Variants in RBFOX1 observed in about 807,000 individuals in gnomAD.
RBFOX1 encodes RNA binding protein fox-1 homolog 1.
In RBFOX1, 8 loss-of-function variants were observed where a neutral mutation model predicts 57.7. The ratio of observed to expected loss-of-function variants is 0.14; its 90% CI spans 0.08 to 0.25. The LOEUF is 0.25. Ranked by LOEUF, RBFOX1 falls within the 10% of genes least tolerant of loss-of-function variation. The pLI, the probability that RBFOX1 is intolerant of heterozygous loss-of-function variation, is 1.00. For synonymous variants in RBFOX1, 326 were observed against 222.4 expected (o/e 1.47, Z -4.15); for missense variants, 611 against 548.5 (o/e 1.11, Z -1.14).
At chr16:7,330,670 C>A in intron 4 of RBFOX1, among the ~76,000 whole-genome samples, 1 of 152,000 alleles carries the variant, frequency 6.6e-6, no homozygotes, top group East Asian at 1.9e-4. Flanking sequence ...CTCTTCTATG[C>A]TCAGGAAACT....
At chr16:5,306,323 C>CTTTT (rs34944593) in intron 1 of RBFOX1, among the ~76,000 whole-genome samples, 1 of 147,396 alleles carries the variant, frequency 6.8e-6, no homozygotes, top group African/African-American at 2.5e-5. Context: ...TTCTAGAATT[C>CTTTT]TTTTTTTTTT....
chr16:6,266,862 G>C (rs963132095), intron 1 of RBFOX1, among the ~76,000 whole-genome samples: 1 of 152,146 alleles, frequency 6.6e-6, no homozygotes, highest in African/African-American at 2.4e-5. Context: ...TCTGTCTTCT[G>C]TATGACATTC....
At chr16:7,274,030 T>C (rs2153136420) in intron 4 of RBFOX1, among the ~76,000 whole-genome samples, 1 of 152,318 alleles carries the variant, frequency 6.6e-6, no homozygotes, top group East Asian at 1.9e-4. Flanking sequence ...AATACAACAC[T>C]TAGATATTTG....
chr16:6,784,391 C>T (rs1054859890), intron 3 of RBFOX1, among the ~76,000 whole-genome samples: 1 of 152,070 alleles, frequency 6.6e-6, no homozygotes, highest in Non-Finnish European at 1.5e-5. Flanking sequence ...ACCAATTTTG[C>T]TGTTGAGACA....
chr16:5,773,584 G>C (rs1407302941), intron 3 of RBFOX1, among the ~76,000 whole-genome samples: 1 of 152,152 alleles, frequency 6.6e-6, no homozygotes, highest in East Asian at 1.9e-4. Flanking sequence ...TTCCCATTCT[G>C]AACAGTGTAA....
intron 1 of RBFOX1, among the ~76,000 whole-genome samples, chr16:6,130,740 G>A (rs1279604697): frequency 6.6e-6 from 1 of 152,144 alleles, no homozygotes; most frequent in Non-Finnish European, 1.5e-5. Context: ...TACTGTCAAA[G>A]TTGACTTCAG....
chr16:6,683,425 G>A (rs2058964562), intron 3 of RBFOX1, among the ~76,000 whole-genome samples: 1 of 152,198 alleles, frequency 6.6e-6, no homozygotes, highest in East Asian at 1.9e-4. Context: ...TAATGTATTT[G>A]GGGAGGATAT....
At chr16:7,594,306 T>G (rs574190933) in intron 7 of RBFOX1, among the ~76,000 whole-genome samples, 1 of 152,326 alleles carries the variant, frequency 6.6e-6, no homozygotes, top group South Asian at 2.1e-4. Context: ...AACTAAGTAT[T>G]ATACTGTCCC....
At chr16:5,991,787 G>C (rs2060404753) in intron 4 of RBFOX1, among the ~76,000 whole-genome samples, 1 of 151,964 alleles carries the variant, frequency 6.6e-6, no homozygotes, top group African/African-American at 2.4e-5. Context: ...TGTTGCCTGG[G>C]ATTGATAAGA....
At chr16:5,510,637 G>C (rs1453310568) in intron 2 of RBFOX1, among the ~76,000 whole-genome samples, 1 of 152,188 alleles carries the variant, frequency 6.6e-6, no homozygotes, top group Non-Finnish European at 1.5e-5. Flanking sequence ...CAATCTGCAA[G>C]GTAGGTTAAT....
intron 3 of RBFOX1, among the ~76,000 whole-genome samples, chr16:6,852,896 C>T (rs979366979): frequency 6.6e-6 from 1 of 151,262 alleles, no homozygotes; most frequent in Admixed American, 6.6e-5. Flanking sequence ...TAGCTGTCCA[C>T]ACAAGGTGCA....
chr16:5,610,309 C>G (rs1487735725), intron 3 of RBFOX1: 1 of 152,204 alleles, frequency 6.6e-6, no homozygotes, highest in Non-Finnish European at 1.5e-5. Flanking sequence ...GTACTAGGCC[C>G]ATGTTTTATT....
rs574225476 is a variant in RBFOX1 at position 5,455,823 on chromosome 16, C to T, written c.220-11393C>T. Among the ~76,000 whole-genome samples the T allele has an allele frequency of 1.7e-4, 26 of 152,082 alleles. 1 individual carries two copies. The East Asian group carries it at 2.9e-3, about 17-fold the overall frequency. ...GTGCTTGGCTAGAGAACCCTGGTTT[C>T]GAGAAATAAATTCTTGAAATAAAGG... On this transcript the variant is annotated intron_variant, in intron 1 of 2. Coordinates refer to the RBFOX1 transcript ENST00000585867.
intron 1 of RBFOX1, among the ~76,000 whole-genome samples, chr16:6,213,702 C>CT (rs1243312707): frequency 6.6e-6 from 1 of 152,160 alleles, no homozygotes; most frequent in Non-Finnish European, 1.5e-5. Context: ...TCATTCTGTG[C>CT]TTAAGAGCAA....
At chr16:6,149,032 C>A (rs1289888123) in intron 1 of RBFOX1, among the ~76,000 whole-genome samples, 6 of 152,218 alleles carry the variant, frequency 3.9e-5, no homozygotes, top group Admixed American at 3.9e-4. Context: ...AAATGTAGAT[C>A]ATTGAAATGG....
At chr16:7,691,461 G>T (rs562019021) in intron 14 of RBFOX1, among the ~76,000 whole-genome samples, 23 of 151,964 alleles carry the variant, frequency 1.5e-4, no homozygotes, top group African/African-American at 5.3e-4. Context: ...GAAAAGGAAG[G>T]AAAGGGTAGG....
intron 1 of RBFOX1, among the ~76,000 whole-genome samples, chr16:5,458,423 G>A (rs1390751564): frequency 6.6e-6 from 1 of 152,194 alleles, no homozygotes; most frequent in East Asian, 1.9e-4. Flanking sequence ...TTTGAGGAAT[G>A]AGAAGAAATG....
chr16:6,362,853 C>T (rs550641720), intron 2 of RBFOX1, among the ~76,000 whole-genome samples: 2 of 152,280 alleles, frequency 1.3e-5, no homozygotes, highest in East Asian at 1.9e-4. Flanking sequence ...GAAGGAAGGT[C>T]GAGGTGTAAA....
intron 2 of RBFOX1, among the ~76,000 whole-genome samples, chr16:5,491,886 C>G (rs748560654): frequency 1.3e-5 from 2 of 152,236 alleles, no homozygotes; most frequent in Non-Finnish European, 2.9e-5. Flanking sequence ...GACAAACATA[C>G]AACAATGTCC....
Sources: gnomAD v4.1 joint callset for allele counts (sites outside exome capture counted in the v4.1 genomes callset) on GRCh38, gnomAD v4.1.1 for gene constraint, MANE v1.5 for transcripts, NCBI Gene and HGNC (gene_info 2026-07-23, HGNC 2026-07-21) for gene names.